SHANK2: variants seen among roughly 807,000 people sequenced by gnomAD.
SHANK2 encodes the protein SH3 and multiple ankyrin repeat domains protein 2.
In SHANK2, 43 loss-of-function variants were observed where a neutral mutation model predicts 133.7. That is an observed-to-expected ratio of 0.32 (90% CI 0.25 to 0.41). The LOEUF (loss-of-function observed/expected upper bound fraction) is 0.41, where lower values mean the gene tolerates loss of function less well. SHANK2 is among the 10% of genes least tolerant of loss of function. SHANK2 has a pLI of 1.00. For synonymous variants in SHANK2, 1,017 were observed against 952.8 expected, an observed-to-expected ratio of 1.07 and a Z score of -1.24; for missense variants, 1,994 against 2,235.8, an observed-to-expected ratio of 0.89 and a Z score of 2.18.
chr11:70,793,550 G>A (rs907805113), intron 14 of SHANK2, among the ~76,000 whole-genome samples: 1 of 152,142 alleles, frequency 6.6e-6, no homozygotes, highest in Non-Finnish European at 1.5e-5. Flanking sequence ...ACTTAAAGAA[G>A]CTATACATAC....
rs1427923434 is a variant in SHANK2 at position 70,472,176 on chromosome 11, G to A, written c.*693C>T. 8 of 152,896 alleles carry A rather than the reference G, an allele frequency of 5.2e-5. No individual in the cohort carries two copies. Among genetic ancestry groups the A allele is most frequent in the African/African-American group, 1.9e-4 (8 of 41,468 alleles). 9.5% of individuals were successfully genotyped at this position (152,896 alleles called of 1,614,324 possible). On this transcript the variant is annotated 3_prime_UTR_variant, in exon 26 of 26. Coordinates refer to ENST00000601538, the MANE Select transcript of SHANK2 (RefSeq NM_012309.5). This position sits in a 1 kb window ranked among gnomAD's most constrained non-coding sequence, Gnocchi z 4.4. ...TAACAGATTTGCAGAAATAAAGAAAGCTAAGCAAAGCTGGGCACGATCCCA... is the reference window on the plus strand; with the variant it reads ...TAACAGATTTGCAGAAATAAAGAAAACTAAGCAAAGCTGGGCACGATCCCA...
Position 70,479,267 on chromosome 11 carries a change from G to C in SHANK2, c.4980-5828C>G, listed in dbSNP as rs1199983475. 6.6e-6 allele frequency among the ~76,000 whole-genome samples: 1 copy of C among 152,228 alleles called. No individual in the cohort carries two copies. The highest frequency in any genetic ancestry group is 1.5e-5 in the Non-Finnish European group (1 of 68,046). On this transcript the variant is annotated intron_variant, in intron 25 of 25. Coordinates refer to ENST00000601538, the MANE Select transcript of SHANK2 (RefSeq NM_012309.5). This position sits in a 1 kb window ranked among gnomAD's most constrained non-coding sequence, Gnocchi z 4.4. ...TGAGGCAGCTTCTAGTACCAAGTCA[G>C]TTTTGAAGCAGTCTGTGCTCTGGGA...
At chr11:70,483,800 A>C (rs1555152331) in intron 25 of SHANK2, among the ~76,000 whole-genome samples, 2 of 152,228 alleles carry the variant, frequency 1.3e-5, no homozygotes, top group Non-Finnish European at 2.9e-5. Flanking sequence ...GACTGGAGGC[A>C]CTGTCTGAAT....
chr11:70,672,760 T>C (rs754609346), intron 15 of SHANK2, among the ~76,000 whole-genome samples: 3 of 152,242 alleles, frequency 2.0e-5, no homozygotes, highest in African/African-American at 7.2e-5. Context: ...CAGTAGCACA[T>C]GAGTGCCCCC....
intron 8 of SHANK2, 75 bp downstream of exon 8, chr11:71,092,347 G>A (rs1184684819): frequency 4.0e-6 from 6 of 1,510,066 alleles, no homozygotes; most frequent in Non-Finnish European, 4.5e-6. Flanking sequence ...GGGCCACCCT[G>A]CTTATCTGCG....
chr11:70,891,951 T>C (rs1949852174), intron 11 of SHANK2, among the ~76,000 whole-genome samples: 1 of 152,184 alleles, frequency 6.6e-6, no homozygotes. Flanking sequence ...ACAGATTCTG[T>C]GGGTGAGAAG....
At chr11:70,920,733 G>A in intron 10 of SHANK2, among the ~76,000 whole-genome samples, 1 of 152,196 alleles carries the variant, frequency 6.6e-6, no homozygotes, top group Non-Finnish European at 1.5e-5. Context: ...TTGCTGGTAA[G>A]TGCTGGCAGC....
At chr11:71,101,662 C>T (rs957038124) in intron 6 of SHANK2, among the ~76,000 whole-genome samples, 4 of 152,230 alleles carry the variant, frequency 2.6e-5, no homozygotes, top group African/African-American at 4.8e-5. Flanking sequence ...CAGGGGCCAA[C>T]GTGAGACTGC....
chr11:71,205,948 C>A (rs1954118762), intron 2 of SHANK2, among the ~76,000 whole-genome samples: 1 of 152,222 alleles, frequency 6.6e-6, no homozygotes, highest in Non-Finnish European at 1.5e-5. Flanking sequence ...GGGCTGGGGA[C>A]CTCTGGGGAG....
chr11:70,736,095 G>C (rs1351489198), intron 14 of SHANK2, among the ~76,000 whole-genome samples: 1 of 151,442 alleles, frequency 6.6e-6, no homozygotes, highest in Non-Finnish European at 1.5e-5. Flanking sequence ...CTGAGGCTCG[G>C]GAACAAGAAC....
chr11:70,598,316 G>GGCTC (rs1474863021), intron 17 of SHANK2, among the ~76,000 whole-genome samples: 7 of 152,316 alleles, frequency 4.6e-5, no homozygotes, highest in Middle Eastern at 6.8e-3. Flanking sequence ...GGCTTGGCAG[G>GGCTC]GAGCCCTTGA....
intron 9 of SHANK2, among the ~76,000 whole-genome samples, chr11:71,061,550 C>G (rs1590875732): frequency 6.6e-6 from 1 of 152,162 alleles, no homozygotes; most frequent in South Asian, 2.1e-4. Flanking sequence ...TTAGTGGCAG[C>G]AGAATGAGCT....
chr11:70,708,981 T>C (rs11237250), intron 14 of SHANK2, among the ~76,000 whole-genome samples: 86,231 of 152,070 alleles, frequency 0.57, 25,343 homozygotes, highest in African/African-American at 0.72. Context: ...GAGGCCAAGG[T>C]GGGTGGATGG....
chr11:70,737,790 A>G (rs1565280958), intron 14 of SHANK2, among the ~76,000 whole-genome samples: 1 of 152,266 alleles, frequency 6.6e-6, no homozygotes, highest in Non-Finnish European at 1.5e-5. Flanking sequence ...TCCAGAATGA[A>G]GGCTTCTTGG....
chr11:70,734,683 C>T (rs1348138374), intron 14 of SHANK2, among the ~76,000 whole-genome samples: 1 of 152,340 alleles, frequency 6.6e-6, no homozygotes, highest in African/African-American at 2.4e-5. Flanking sequence ...AGCAGGGGCC[C>T]CACAGCCTGT....
At chr11:70,502,730 T>TGGGGGGGGGGGGGGGGGGGGGGGGG in intron 18 of SHANK2, 66 bp downstream of exon 18, 2 of 772,454 alleles carry the variant, frequency 2.6e-6, no homozygotes, top group Non-Finnish European at 3.8e-6. Context: ...CCAGCTGTCC[T>TGGGGGGGGGGGGGGGGGGGGGGGGG]GCCCGCCCCC....
intron 8 of SHANK2, among the ~76,000 whole-genome samples, chr11:71,083,984 G>GA (rs1367460343): frequency 2.4e-4 from 36 of 149,450 alleles, no homozygotes; most frequent in Middle Eastern, 3.5e-3. Flanking sequence ...TTTTTTGGGG[G>GA]GGGGAGACAG....
rs1371630671 is a variant in SHANK2, at chr11:71,113,383, A to T, written c.412-19T>A. 1 of 1,550,526 alleles carries T rather than the reference A, an allele frequency of 6.4e-7. No homozygotes were observed. Among genetic ancestry groups the T allele is most frequent in the Admixed American group, 2.0e-5 (1 of 51,010 alleles). Reference sequence around the variant, plus strand: ...ATCGAAACTGGCACAGAAAACAAAAAAGAGAGAGAAAACAAGTCAATACTT... The same window carrying T: ...ATCGAAACTGGCACAGAAAACAAAATAGAGAGAGAAAACAAGTCAATACTT... On this transcript the variant is annotated intron_variant, in intron 4 of 25. Transcript: ENST00000601538.
At chr11:70,503,397 T>C (rs1330818149) in intron 17 of SHANK2, among the ~76,000 whole-genome samples, 1 of 152,232 alleles carries the variant, frequency 6.6e-6, no homozygotes, top group Non-Finnish European at 1.5e-5. Flanking sequence ...TTGCTTCTCA[T>C]GTATTCTGGG....
Sources: gnomAD v4.1 joint callset for allele counts (sites outside exome capture counted in the v4.1 genomes callset) on GRCh38, gnomAD v4.1.1 for gene constraint, Gnocchi (gnomAD v3.1) non-coding constraint, MANE v1.5 for transcripts, NCBI Gene and HGNC (gene_info 2026-07-23, HGNC 2026-07-21) for gene names.